The following SLC9A9 variants were observed in gnomAD, a reference collection of about 807,000 sequenced individuals.
SLC9A9 encodes the protein sodium/hydrogen exchanger 9.
SLC9A9 carries 62 observed loss-of-function variants against 77.8 expected under a neutral mutation model. The observed-to-expected ratio is 0.80, with a 90% CI of 0.65 to 0.98. The LOEUF (loss-of-function observed/expected upper bound fraction) is 0.98. Ranked by LOEUF, SLC9A9 falls within the 50% of genes least tolerant of loss-of-function variation. SLC9A9 has a pLI of 0.00. For missense variants in SLC9A9, 775 were observed against 774.9 expected, an observed-to-expected ratio of 1.00 and a Z score of 0.00; for synonymous variants, 320 against 283.5, an observed-to-expected ratio of 1.13 and a Z score of -1.29.
intron 9 of SLC9A9, among the ~76,000 whole-genome samples, chr3:143,499,978 T>C (rs928898595): frequency 2.0e-5 from 3 of 152,218 alleles, no homozygotes; most frequent in Admixed American, 6.5e-5. Context: ...TTTAATTTGC[T>C]AAGATTGTGT....
At chr3:143,828,040 A>G (rs7634935) in intron 2 of SLC9A9, among the ~76,000 whole-genome samples, 2,618 of 152,252 alleles carry the variant, frequency 0.017, 85 homozygotes, top group African/African-American at 0.06. Flanking sequence ...GAGCCTGTCC[A>G]GTAGTGTGGG....
chr3:143,496,840 C>A (rs1482974410), intron 9 of SLC9A9, among the ~76,000 whole-genome samples: 2 of 152,184 alleles, frequency 1.3e-5, no homozygotes, highest in Non-Finnish European at 2.9e-5. Context: ...ATGGCTTAAA[C>A]AACAGAAATT....
intron 4 of SLC9A9, among the ~76,000 whole-genome samples, chr3:143,765,576 G>T (rs1041724453): frequency 6.6e-5 from 10 of 152,100 alleles, no homozygotes; most frequent in African/African-American, 2.4e-4. Flanking sequence ...AGCATCAATT[G>T]TCAGATGGTG....
chr3:143,306,762 T>C lies in SLC9A9; in HGVS notation c.1605-37782A>G, dbSNP rs1212405548. Among the ~76,000 whole-genome samples the C allele has an allele frequency of 2.0e-5, 3 of 152,170 alleles. No homozygotes were observed. The East Asian group carries it at 5.8e-4, about 29-fold the overall frequency. On this transcript the variant is annotated intron_variant, in intron 14 of 15. Coordinates refer to ENST00000316549, the MANE Select transcript of SLC9A9 (RefSeq NM_173653.4). ...CAGTCAGAGTGATGGTTCTAAAAAATAGATATGCCTATGGCTTCCTTAGCA... is the reference window on the plus strand; with the variant it reads ...CAGTCAGAGTGATGGTTCTAAAAAACAGATATGCCTATGGCTTCCTTAGCA...
At chr3:143,323,303 T>TA (rs1255893618) in intron 14 of SLC9A9, among the ~76,000 whole-genome samples, 4 of 152,192 alleles carry the variant, frequency 2.6e-5, no homozygotes, top group African/African-American at 9.6e-5. Flanking sequence ...ATAGCAGAGA[T>TA]ACGGAATCAA....
chr3:143,619,261 G>A (rs746076789), intron 6 of SLC9A9, among the ~76,000 whole-genome samples: 2 of 152,212 alleles, frequency 1.3e-5, no homozygotes, highest in Non-Finnish European at 2.9e-5. Context: ...ATCCCAGACA[G>A]TGTTCAGTTT....
chr3:143,565,296 C>A (rs111851195), intron 8 of SLC9A9, among the ~76,000 whole-genome samples: 122 of 152,258 alleles, frequency 8.0e-4, no homozygotes, highest in Admixed American at 2.7e-3. Context: ...ACTCATTTTT[C>A]TTCTGCATCC....
chr3:143,607,984 G>A (rs895395372), intron 6 of SLC9A9, among the ~76,000 whole-genome samples: 3 of 151,898 alleles, frequency 2.0e-5, no homozygotes. Context: ...TTGGAATACT[G>A]AAAAAATGAC....
chr3:143,846,783 C>CTT (rs2009840543), intron 1 of SLC9A9, among the ~76,000 whole-genome samples: 1 of 147,274 alleles, frequency 6.8e-6, no homozygotes, highest in Non-Finnish European at 1.5e-5. Context: ...TTTAATTATA[C>CTT]TTTAAGTTTT....
intron 2 of SLC9A9, chr3:143,811,706 A>T (rs1329560501): frequency 2.2e-6 from 1 of 454,848 alleles, no homozygotes; most frequent in Non-Finnish European, 4.4e-6. Context: ...ACAAAAAAAC[A>T]AAAAAATTAG....
intron 6 of SLC9A9, among the ~76,000 whole-genome samples, chr3:143,636,989 C>T (rs1379919415): frequency 6.6e-6 from 1 of 152,100 alleles, no homozygotes; most frequent in Non-Finnish European, 1.5e-5. Context: ...AAAATAAAGT[C>T]CCATTAAAAT....
intron 1 of SLC9A9, among the ~76,000 whole-genome samples, chr3:143,841,761 T>TTTTTTTTCTTTTTTCTTA: frequency 4.9e-5 from 1 of 20,534 alleles, no homozygotes; most frequent in East Asian, 0.036. Context: ...GCTCTTTTCT[T>TTTTTTTTCTTTTTTCTTA]TATTTTTCTT....
At chr3:143,325,926 T>G (rs899864653) in intron 14 of SLC9A9, among the ~76,000 whole-genome samples, 3 of 152,206 alleles carry the variant, frequency 2.0e-5, no homozygotes, top group Non-Finnish European at 2.9e-5. Flanking sequence ...CATCATAATA[T>G]GTCCTGGTTC....
intron 8 of SLC9A9, among the ~76,000 whole-genome samples, chr3:143,563,831 G>A (rs1324677003): frequency 6.6e-6 from 1 of 152,060 alleles, no homozygotes; most frequent in East Asian, 1.9e-4. Context: ...TAATATAAAT[G>A]GTTCAGTTTT....
chr3:143,376,858 A>G (rs527865906), intron 13 of SLC9A9, among the ~76,000 whole-genome samples: 7 of 152,364 alleles, frequency 4.6e-5, no homozygotes, highest in African/African-American at 1.7e-4. Context: ...ATGACATAAC[A>G]TTACAAAAGC....
At chr3:143,377,226 C>G (rs115958032) in intron 13 of SLC9A9, among the ~76,000 whole-genome samples, 3,954 of 152,254 alleles carry the variant, frequency 0.026, 189 homozygotes, top group African/African-American at 0.091. Flanking sequence ...ATCAATTGTG[C>G]AAAAGAACAA....
intron 5 of SLC9A9, among the ~76,000 whole-genome samples, chr3:143,681,031 C>G (rs2108773249): frequency 6.6e-6 from 1 of 152,262 alleles, no homozygotes; most frequent in Non-Finnish European, 1.5e-5. Flanking sequence ...TTATCGCTCT[C>G]CACCAGGTGA....
chr3:143,727,435 TC>T (rs1206951279), intron 4 of SLC9A9, among the ~76,000 whole-genome samples: 2 of 152,160 alleles, frequency 1.3e-5, no homozygotes, highest in Admixed American at 6.5e-5. Flanking sequence ...TGGTGCACTG[TC>T]CCCTTTGAAT....
At chr3:143,537,142 C>T (rs1024507511) in intron 9 of SLC9A9, among the ~76,000 whole-genome samples, 1 of 152,234 alleles carries the variant, frequency 6.6e-6, no homozygotes, top group Non-Finnish European at 1.5e-5. Flanking sequence ...TGGTGTCCAG[C>T]ATCTGGTGTC....
Sources: gnomAD v4.1 joint callset for allele counts (sites outside exome capture counted in the v4.1 genomes callset) on GRCh38, gnomAD v4.1.1 for gene constraint, MANE v1.5 for transcripts, NCBI Gene and HGNC (gene_info 2026-07-23, HGNC 2026-07-21) for gene names.